The following PRKCE variants were observed in gnomAD, a reference collection of about 807,000 sequenced individuals.
PRKCE encodes protein kinase C epsilon type.
Under a neutral mutation model 85.4 loss-of-function variants are expected in PRKCE, and 16 were observed. That is an observed-to-expected ratio of 0.19 (90% confidence interval 0.13 to 0.28). The LOEUF is 0.28. Among genes scored for constraint, PRKCE ranks in the 10% least tolerant of loss-of-function variants. The probability of loss-of-function intolerance (pLI) is 1.00; values close to 1 mark genes in which losing one functional copy is unlikely to be tolerated. For missense variants in PRKCE, 573 were observed against 975.2 expected (o/e 0.59, Z 5.49); for synonymous variants, 388 against 371.5 (o/e 1.04, Z -0.51).
intron 2 of PRKCE, among the ~76,000 whole-genome samples, chr2:45,932,805 G>A (rs941273347): frequency 3.9e-5 from 6 of 151,976 alleles, no homozygotes; most frequent in Admixed American, 1.3e-4. Context: ...CCCCAGCCCC[G>A]GGCAATCGTC....
intron 1 of PRKCE, among the ~76,000 whole-genome samples, chr2:45,787,531 G>A (rs1428951924): frequency 6.6e-6 from 1 of 152,076 alleles, no homozygotes; most frequent in Non-Finnish European, 1.5e-5. Context: ...TTTTCCAGAT[G>A]GTTTCCTAAA....
intron 1 of PRKCE, among the ~76,000 whole-genome samples, chr2:45,804,964 C>A (rs1396148501): frequency 1.2e-5 from 1 of 83,044 alleles, no homozygotes; most frequent in African/African-American, 4.5e-5. Flanking sequence ...TTTTTTTTTG[C>A]ATTTGCTCTA....
At chr2:45,804,752 G>A (rs1396906762) in intron 1 of PRKCE, among the ~76,000 whole-genome samples, 2 of 152,150 alleles carry the variant, frequency 1.3e-5, no homozygotes, top group Non-Finnish European at 2.9e-5. Flanking sequence ...GAGGCTGAGG[G>A]ACTTAACATT....
intron 11 of PRKCE, among the ~76,000 whole-genome samples, chr2:46,124,592 CT>C (rs1218603804): frequency 6.6e-6 from 1 of 152,186 alleles, no homozygotes; most frequent in African/African-American, 2.4e-5. Flanking sequence ...CCCCCTCCTT[CT>C]GTTAAAAATG....
intron 14 of PRKCE, among the ~76,000 whole-genome samples, chr2:46,170,403 C>T (rs1678775751): frequency 6.6e-6 from 1 of 152,146 alleles, no homozygotes; most frequent in Non-Finnish European, 1.5e-5. Context: ...AAAAGTAGAG[C>T]AAATCATTGA....
rs544519367 is a variant in PRKCE, at chr2:45,790,078, G to C, written c.349-52922G>C. ...GGAGCTCACAAGTGGTTTGTGGAAA[G>C]ATCAGCTCTTTTGTGATGGCTCTTG... On this transcript the variant is annotated intron_variant, in intron 1 of 14. Transcript: ENST00000306156. Among the ~76,000 whole-genome samples, 4 of 152,328 alleles carry C rather than the reference G, an allele frequency of 2.6e-5. No homozygotes were observed. The East Asian group carries it at 7.7e-4, about 29-fold the overall frequency.
In PRKCE at chr2:45,911,395, T is replaced by A. The variant is rs547535127; in HGVS notation, c.413-65034T>A. On this transcript the variant is annotated intron_variant, in intron 2 of 14. Transcript: ENST00000306156. ...GTTTCACCTGCTCAGAAATGCTGCA[T>A]TATGCATGCAGAGCATTGCAGAGTC... is the stretch of plus-strand genomic sequence containing the variant. Among the ~76,000 whole-genome samples the A allele has an allele frequency of 5.1e-4, 78 of 152,316 alleles. 2 individuals carry two copies. The South Asian group carries it at 0.016, about 30-fold the overall frequency.
chr2:45,881,233 C>T (rs1417664636), intron 2 of PRKCE, among the ~76,000 whole-genome samples: 1 of 152,068 alleles, frequency 6.6e-6, no homozygotes, highest in African/African-American at 2.4e-5. Flanking sequence ...CCACCTTCTC[C>T]TGCTCTGTAG....
At chr2:46,106,199 G>C (rs947399060) in intron 11 of PRKCE, among the ~76,000 whole-genome samples, 1 of 152,138 alleles carries the variant, frequency 6.6e-6, no homozygotes, top group African/African-American at 2.4e-5. Flanking sequence ...AGGGCCAATT[G>C]TATATGTAAC....
chr2:45,960,325 C>G (rs1348970088), intron 2 of PRKCE, among the ~76,000 whole-genome samples: 1 of 152,132 alleles, frequency 6.6e-6, no homozygotes, highest in African/African-American at 2.4e-5. Context: ...TGATACTAAT[C>G]GTGTAGAATC....
chr2:45,988,984 C>G (rs1328605883), intron 6 of PRKCE, among the ~76,000 whole-genome samples: 2 of 152,172 alleles, frequency 1.3e-5, no homozygotes, highest in African/African-American at 2.4e-5. Flanking sequence ...GTTTCCTTCT[C>G]TAGAGAAGAT....
intron 1 of PRKCE, among the ~76,000 whole-genome samples, chr2:45,762,655 A>G (rs1042173307): frequency 1.3e-5 from 2 of 152,256 alleles, no homozygotes; most frequent in Admixed American, 1.3e-4. Context: ...CAGCACATCT[A>G]GAGTTGCATG....
chr2:45,883,895 T>C (rs1263789281), intron 2 of PRKCE, among the ~76,000 whole-genome samples: 1 of 152,146 alleles, frequency 6.6e-6, no homozygotes, highest in Admixed American at 6.5e-5. Flanking sequence ...CTGGGAATCC[T>C]TGGAGCTTGC....
intron 10 of PRKCE, among the ~76,000 whole-genome samples, chr2:46,083,958 T>A (rs985854775): frequency 6.6e-6 from 1 of 152,204 alleles, no homozygotes; most frequent in Non-Finnish European, 1.5e-5. Flanking sequence ...GGGAATCACC[T>A]GAGGAGCTTT....
intron 1 of PRKCE, among the ~76,000 whole-genome samples, chr2:45,684,531 T>G (rs1380297506): frequency 2.0e-5 from 3 of 152,274 alleles, no homozygotes; most frequent in Admixed American, 1.3e-4. Context: ...GAGAGGCATT[T>G]GATCTATGTT....
chr2:45,885,257 A>G (rs1695209061), intron 2 of PRKCE, among the ~76,000 whole-genome samples: 3 of 152,088 alleles, frequency 2.0e-5, no homozygotes, highest in African/African-American at 7.2e-5. Flanking sequence ...TGCTCCACCC[A>G]GTTAAATTTA....
intron 2 of PRKCE, among the ~76,000 whole-genome samples, chr2:45,919,140 CA>C (rs959124715): frequency 3.9e-5 from 6 of 152,086 alleles, no homozygotes; most frequent in Admixed American, 2.0e-4. Flanking sequence ...AACAAGACAT[CA>C]GGGGTAGGGA....
chr2:45,688,264 T>A (rs1025278374), intron 1 of PRKCE, among the ~76,000 whole-genome samples: 2 of 151,972 alleles, frequency 1.3e-5, no homozygotes, highest in Non-Finnish European at 2.9e-5. Context: ...GGCAGGTAAA[T>A]TTTTTTAGTA....
intron 1 of PRKCE, among the ~76,000 whole-genome samples, chr2:45,803,057 G>C (rs1687990418): frequency 6.6e-6 from 1 of 152,142 alleles, no homozygotes; most frequent in Non-Finnish European, 1.5e-5. Flanking sequence ...AATAAGGTAT[G>C]GCTTGAAAGG....
Sources: gnomAD v4.1 joint callset for allele counts (sites outside exome capture counted in the v4.1 genomes callset) on GRCh38, gnomAD v4.1.1 for gene constraint, MANE v1.5 for transcripts, NCBI Gene and HGNC (gene_info 2026-07-23, HGNC 2026-07-21) for gene names.